UNC80: variants seen among roughly 807,000 people sequenced by gnomAD.
The protein encoded by UNC80 is protein unc-80 homolog.
UNC80 carries 164 observed loss-of-function variants against 384.6 expected under a neutral mutation model. The ratio of observed to expected loss-of-function variants is 0.43; its 90% confidence interval spans 0.38 to 0.49. The LOEUF (loss-of-function observed/expected upper bound fraction) is 0.49. UNC80 is among the 20% of genes least tolerant of loss of function. The pLI is 0.00. For missense variants in UNC80, 3,330 were observed against 4,143.0 expected, an observed-to-expected ratio of 0.80 and a Z score of 5.39; for synonymous variants, 1,486 against 1,527.8, an observed-to-expected ratio of 0.97 and a Z score of 0.64.
At chr2:209,909,981 T>G (rs553710730) in intron 29 of UNC80, among the ~76,000 whole-genome samples, 1 of 151,828 alleles carries the variant, frequency 6.6e-6, no homozygotes, top group South Asian at 2.1e-4. Flanking sequence ...TAATCTCTAT[T>G]TATCACTAAT....
In UNC80 at chr2:209,998,227, T is replaced by C. The variant is rs531499288; in HGVS notation, c.*2632T>C. 2 of 152,370 alleles carry C rather than the reference T, an allele frequency of 1.3e-5. No individual in the cohort carries two copies. Among genetic ancestry groups the C allele is most frequent in the African/African-American group, 4.8e-5 (2 of 41,588 alleles). 9.4% of individuals were successfully genotyped at this position (152,370 alleles called of 1,614,324 possible). A position where few individuals can be genotyped will look rare whatever the true frequency, so the allele number is the denominator to read the frequency against. On this transcript the variant is annotated 3_prime_UTR_variant, in exon 65 of 65. Coordinates refer to ENST00000673920, the MANE Select transcript of UNC80 (RefSeq NM_001371986.1). ...CTTGGAATAAACCATGTGTTATCCA[T>C]GATAGTATGACTCAGATCCAATTAA...
Position 209,995,403 on chromosome 2 carries a change from ACT to A in UNC80, c.9788_9789del (p.Ser3263CysfsTer5), listed in dbSNP as rs1191478874. The A allele has an allele frequency of 1.3e-6, 2 of 1,551,808 alleles. No individual in the cohort carries two copies. The highest frequency in any genetic ancestry group is 8.7e-7 in the Non-Finnish European group (1 of 1,147,066). ...EAQGATAHSP[L>X]SAQLSDPDDF... ...CACAAGGTGCTACTGCACACAGTCC[ACT>A]CTCTGCCCAACTCTCTGACCCTGAT... On this transcript the variant is annotated frameshift_variant, in exon 65 of 65. Coordinates refer to ENST00000673920, the MANE Select transcript of UNC80 (RefSeq NM_001371986.1). LOFTEE classifies it high-confidence loss of function.
At chr2:209,866,521 CACACACACACACAGAGAGAGAGAG>C (rs2083814608) in intron 22 of UNC80, among the ~76,000 whole-genome samples, 1 of 142,502 alleles carries the variant, frequency 7.0e-6, no homozygotes, top group African/African-American at 2.7e-5. Context: ...CACACACACA[CACACACACACACAGAGAGAGAGAG>C]AGAGAGAGAG....
rs2086609638 is a variant in UNC80 at position 209,894,247 on chromosome 2, C to G, written c.4361C>G (p.Ser1454Cys). ...TRSFQVKKGG[S>C]LSSIRRVGSL... ...AGTTTCCAGGTGAAGAAGGGGGGTT[C>G]CTTGTCCAGCATTCGCCGGGTCGGC... The change falls in exon 27 of 65, where the codon TCC becomes TGC. Residue 1454 changes from serine to cysteine, a missense_variant. By Grantham distance (112) the Ser-to-Cys change is moderately radical. This residue lies in a region of UNC80 where 801 missense variants were observed against 950.8 expected (regional missense o/e 0.84). Transcript: ENST00000673920. 1.0e-6 allele frequency: 1 copy of G among 985,270 alleles called. No individual in the cohort carries two copies. The highest frequency in any genetic ancestry group is 6.2e-5 in the Admixed American group (1 of 16,258). 61.0% of individuals were successfully genotyped at this position (985,270 alleles called of 1,614,324 possible). A position where few individuals can be genotyped will look rare whatever the true frequency, so the allele number is the denominator to read the frequency against.
chr2:209,986,238 C>A (rs1315763921), intron 61 of UNC80, among the ~76,000 whole-genome samples: 1 of 152,116 alleles, frequency 6.6e-6, no homozygotes, highest in Non-Finnish European at 1.5e-5. Flanking sequence ...TGATGGGAAC[C>A]TTGATTAGAA....
At chr2:209,977,322 T>C (rs1323426830) in intron 58 of UNC80, among the ~76,000 whole-genome samples, 1 of 152,246 alleles carries the variant, frequency 6.6e-6, no homozygotes, top group African/African-American at 2.4e-5. Context: ...TTTCCTTTTC[T>C]ATATATTTTT....
rs1246380742 is a variant in UNC80 at position 209,996,625 on chromosome 2, A to T, written c.*1030A>T. 1 of 152,200 alleles carries T rather than the reference A, an allele frequency of 6.6e-6. No homozygotes were observed. The highest frequency in any genetic ancestry group is 1.5e-5 in the Non-Finnish European group (1 of 68,032). 9.4% of individuals were successfully genotyped at this position (152,200 alleles called of 1,614,324 possible). On this transcript the variant is annotated 3_prime_UTR_variant, in exon 65 of 65. Coordinates refer to ENST00000673920, the MANE Select transcript of UNC80 (RefSeq NM_001371986.1). ...TTTATAAGGAAAAATGTATAAAGTA[A>T]GCAATTTCTTCATAGACACCTCCAG...
chr2:209,842,486 T>C, intron 21 of UNC80, 40 bp downstream of exon 21: 1 of 1,418,836 alleles, frequency 7.0e-7, no homozygotes, highest in Non-Finnish European at 9.7e-7. Flanking sequence ...TCAACTTTTA[T>C]CACACAGAAC....
rs1039913942 is a variant in UNC80, at chr2:209,840,318, C to T, written c.3251-224C>T. Among the ~76,000 whole-genome samples, 3 of 152,166 alleles carry T rather than the reference C, an allele frequency of 2.0e-5. No homozygotes were observed. In the East Asian group the frequency reaches 5.8e-4, roughly 29 times the overall value. ...TGTGAAGCTGGATAGATGATGGTTT[C>T]CTTTCAACCCAGATTCTTTTCGTCT... On this transcript the variant is annotated intron_variant, in intron 19 of 64. Transcript: ENST00000673920.
intron 63 of UNC80, among the ~76,000 whole-genome samples, chr2:209,993,672 A>T (rs936767568): frequency 2.0e-5 from 3 of 152,170 alleles, no homozygotes; most frequent in Non-Finnish European, 4.4e-5. Context: ...AATACTGGGA[A>T]ATTTGACTAT....
intron 4 of UNC80, among the ~76,000 whole-genome samples, chr2:209,780,976 A>G (rs912664814): frequency 9.2e-5 from 14 of 152,316 alleles, no homozygotes; most frequent in East Asian, 1.9e-4. Flanking sequence ...TGTTTCTGCA[A>G]CGCTGTAGTC....
intron 26 of UNC80, among the ~76,000 whole-genome samples, chr2:209,890,017 T>C (rs1245070428): frequency 1.3e-5 from 2 of 152,122 alleles, no homozygotes; most frequent in African/African-American, 2.4e-5. Flanking sequence ...TTATTCTTAT[T>C]GAAAAAGGAC....
At chr2:209,893,005 G>T (rs1280450926) in intron 26 of UNC80, among the ~76,000 whole-genome samples, 2 of 152,106 alleles carry the variant, frequency 1.3e-5, no homozygotes, top group Admixed American at 6.6e-5. Flanking sequence ...CAGTAAATCA[G>T]AACTTTCACA....
chr2:209,893,675 C>A (rs1003152909), intron 26 of UNC80, among the ~76,000 whole-genome samples: 5 of 152,094 alleles, frequency 3.3e-5, no homozygotes, highest in African/African-American at 1.2e-4. Flanking sequence ...AGTGCCTTTT[C>A]TGAGGAGCAG....
Position 209,946,826 on chromosome 2 carries a change from A to G in UNC80, c.7286+883A>G, listed in dbSNP as rs185001076. Among the ~76,000 whole-genome samples the G allele has an allele frequency of 9.2e-4, 140 of 152,296 alleles. 1 individual carries two copies. The highest frequency in any genetic ancestry group is 2.2e-3 in the Admixed American group (33 of 15,286). On this transcript the variant is annotated intron_variant, in intron 47 of 64. Transcript: ENST00000673920. Reference sequence around the variant, plus strand: ...AGGAGCCAAGCTGATTATGCCCAATATATCTTTATATATTTGCCCTGCACC... The same window carrying G: ...AGGAGCCAAGCTGATTATGCCCAATGTATCTTTATATATTTGCCCTGCACC...
At chr2:209,772,561 A>T (rs1444603280) in intron 1 of UNC80, among the ~76,000 whole-genome samples, 2 of 152,102 alleles carry the variant, frequency 1.3e-5, no homozygotes, top group Non-Finnish European at 2.9e-5. Context: ...CTGTTTGGCG[A>T]ATATCTGCTA....
intron 12 of UNC80, among the ~76,000 whole-genome samples, chr2:209,820,029 A>G (rs945752408): frequency 1.3e-5 from 2 of 152,242 alleles, no homozygotes; most frequent in Non-Finnish European, 2.9e-5. Flanking sequence ...ACTGTGCTTC[A>G]ATATCCCCAT....
chr2:209,879,866 C>T (rs2085125455), intron 24 of UNC80, among the ~76,000 whole-genome samples: 1 of 144,308 alleles, frequency 6.9e-6, no homozygotes, highest in East Asian at 1.9e-4. Context: ...AATGGTTTTC[C>T]TGAAAAAAAC....
At chr2:209,892,848 T>C (rs1196131024) in intron 26 of UNC80, among the ~76,000 whole-genome samples, 1 of 152,182 alleles carries the variant, frequency 6.6e-6, no homozygotes, top group African/African-American at 2.4e-5. Context: ...AAAATGCAGC[T>C]TTATGGTTCA....
Sources: gnomAD v4.1 joint callset for allele counts (sites outside exome capture counted in the v4.1 genomes callset) on GRCh38, gnomAD v4.1.1 for gene constraint, gnomAD v4.1.1 regional missense constraint, MANE v1.5 for transcripts, NCBI Gene and HGNC (gene_info 2026-07-23, HGNC 2026-07-21) for gene names.